The following TENM4 variants were observed in gnomAD, a reference collection of about 807,000 sequenced individuals.
TENM4 encodes the protein teneurin-4.
Under a neutral mutation model 243.3 loss-of-function variants are expected in TENM4, and 82 were observed. The observed-to-expected ratio is 0.34, with a 90% confidence interval of 0.28 to 0.40. The LOEUF is 0.40. Among genes scored for constraint, TENM4 ranks in the 10% least tolerant of loss-of-function variants. The probability of loss-of-function intolerance (pLI) is 1.00; values close to 1 mark genes in which losing one functional copy is unlikely to be tolerated. For synonymous variants in TENM4, 1,412 were observed against 1,456.3 expected (o/e 0.97, Z 0.69); for missense variants, 3,138 against 3,673.3 (o/e 0.85, Z 3.77).
At chr11:79,045,564 G>C (rs1286654404) in intron 6 of TENM4, among the ~76,000 whole-genome samples, 1 of 152,168 alleles carries the variant, frequency 6.6e-6, no homozygotes, top group Admixed American at 6.5e-5. Flanking sequence ...GGTCTGCAGT[G>C]GAGGGCCCTG....
At chr11:78,959,450 C>T (rs747686783) in intron 6 of TENM4, among the ~76,000 whole-genome samples, 3 of 152,262 alleles carry the variant, frequency 2.0e-5, no homozygotes, top group Middle Eastern at 3.4e-3. Flanking sequence ...GCTGAGTCCA[C>T]ACCAGTACCA....
At chr11:78,757,654 T>G (rs55897811) in intron 18 of TENM4, among the ~76,000 whole-genome samples, 3,288 of 152,276 alleles carry the variant, frequency 0.022, 50 homozygotes, top group Middle Eastern at 0.027. Flanking sequence ...GTAGATGGTA[T>G]TGAGAGACAT....
At chr11:78,989,010 G>C (rs1857980886) in intron 6 of TENM4, among the ~76,000 whole-genome samples, 4 of 152,216 alleles carry the variant, frequency 2.6e-5, no homozygotes, top group Admixed American at 2.6e-4. Flanking sequence ...TTTGTGCTCT[G>C]TCCACACAGC....
intron 25 of TENM4, among the ~76,000 whole-genome samples, chr11:78,717,710 C>A (rs550586441): frequency 6.6e-6 from 1 of 152,200 alleles, no homozygotes; most frequent in Non-Finnish European, 1.5e-5. Flanking sequence ...AGATTTGGTG[C>A]ACAGTGGAAA....
chr11:78,922,350 T>C (rs893134528), intron 6 of TENM4, among the ~76,000 whole-genome samples: 1 of 152,244 alleles, frequency 6.6e-6, no homozygotes, highest in Non-Finnish European at 1.5e-5. Context: ...GTCTTTATGA[T>C]GACAATTCTC....
At chr11:79,203,648 A>AC (rs1241487665) in intron 3 of TENM4, among the ~76,000 whole-genome samples, 1 of 152,176 alleles carries the variant, frequency 6.6e-6, no homozygotes, top group African/African-American at 2.4e-5. Flanking sequence ...TGATTCCAGG[A>AC]CCCCCTGCAG....
At position 79,131,248 on chromosome 11, in the gene TENM4, C is replaced by T. The variant is rs577473126; in HGVS notation, c.-66+17462G>A. 9.2e-5 allele frequency among the ~76,000 whole-genome samples: 14 copies of T among 152,122 alleles called. 1 individual carries two copies. Among genetic ancestry groups the T allele is most frequent in the East Asian group, 3.9e-4 (2 of 5,170 alleles). On this transcript the variant is annotated intron_variant, in intron 4 of 33. Transcript: ENST00000278550. Reference sequence around the variant, plus strand: ...GTCATCGGGTTATCCAAAGTTAAGACGAAGGAAAGAATCTTAAGAGCTGTG... The same window carrying T: ...GTCATCGGGTTATCCAAAGTTAAGATGAAGGAAAGAATCTTAAGAGCTGTG...
chr11:79,139,777 A>AATAGATATATTATATAT (rs1862243316), intron 4 of TENM4, among the ~76,000 whole-genome samples: 2 of 26,796 alleles, frequency 7.5e-5, no homozygotes, highest in Non-Finnish European at 1.2e-4. Context: ...ATAAATATAT[A>AATAGATATATTATATAT]ATATATATTA....
intron 2 of TENM4, among the ~76,000 whole-genome samples, chr11:79,254,383 A>G (rs929543319): frequency 1.1e-4 from 16 of 152,240 alleles, no homozygotes; most frequent in African/African-American, 3.9e-4. Flanking sequence ...TACGTTGTCA[A>G]AGGGAAAACC....
chr11:79,046,050 C>T (rs1357684734), intron 6 of TENM4, among the ~76,000 whole-genome samples: 1 of 152,210 alleles, frequency 6.6e-6, no homozygotes, highest in East Asian at 1.9e-4. Flanking sequence ...ACGTGCATTC[C>T]CACACAGCCA....
At chr11:79,048,985 T>C (rs1422712409) in intron 6 of TENM4, among the ~76,000 whole-genome samples, 1 of 152,148 alleles carries the variant, frequency 6.6e-6, no homozygotes, top group Non-Finnish European at 1.5e-5. Context: ...TTCTGCGGAT[T>C]CTCTGGCTGA....
intron 15 of TENM4, among the ~76,000 whole-genome samples, chr11:78,787,920 G>C (rs111583079): frequency 0.019 from 2,860 of 152,284 alleles, 86 homozygotes; most frequent in African/African-American, 0.066. Flanking sequence ...TTACTGCAGG[G>C]AGCGGTGGTA....
chr11:78,823,988 T>A (rs1042749736), intron 12 of TENM4, among the ~76,000 whole-genome samples: 3 of 152,146 alleles, frequency 2.0e-5, no homozygotes, highest in Non-Finnish European at 2.9e-5. Flanking sequence ...ATTTCGTAGA[T>A]GAGAACATGA....
chr11:78,958,169 A>AGTCTC (rs1857246165), intron 6 of TENM4, among the ~76,000 whole-genome samples: 1 of 152,234 alleles, frequency 6.6e-6, no homozygotes, highest in Admixed American at 6.5e-5. Flanking sequence ...TCGAGCACAT[A>AGTCTC]GAAAGTCCTT....
At chr11:78,707,869 C>A (rs1446778397) in intron 27 of TENM4, among the ~76,000 whole-genome samples, 1 of 152,318 alleles carries the variant, frequency 6.6e-6, no homozygotes, top group African/African-American at 2.4e-5. Flanking sequence ...AAGAAAGTTA[C>A]TGAGTGAGTG....
At chr11:79,221,485 C>T (rs555815634) in intron 2 of TENM4, among the ~76,000 whole-genome samples, 2 of 152,036 alleles carry the variant, frequency 1.3e-5, no homozygotes, top group South Asian at 4.2e-4. Context: ...CACCCACACA[C>T]AAACTCACCG....
At chr11:79,288,498 C>T (rs1181415848) in intron 2 of TENM4, among the ~76,000 whole-genome samples, 1 of 152,200 alleles carries the variant, frequency 6.6e-6, no homozygotes. Context: ...ACAGGGAACT[C>T]TGGCAAAGCT....
intron 1 of TENM4, among the ~76,000 whole-genome samples, chr11:79,341,821 G>A (rs1400918352): frequency 2.0e-5 from 3 of 152,270 alleles, no homozygotes; most frequent in Admixed American, 2.0e-4. Context: ...CATTCTCTAT[G>A]ACATTTCCTT....
At chr11:78,762,335 C>T (rs894867104) in intron 18 of TENM4, among the ~76,000 whole-genome samples, 6 of 152,224 alleles carry the variant, frequency 3.9e-5, no homozygotes, top group Non-Finnish European at 7.3e-5. Context: ...ACTGGCCCCT[C>T]CCTACACGCA....
Sources: allele counts gnomAD v4.1 joint callset (sites outside exome capture counted in the v4.1 genomes callset), GRCh38; gene constraint gnomAD v4.1.1; transcripts MANE v1.5; gene names NCBI Gene and HGNC (gene_info 2026-07-23, HGNC 2026-07-21).